NUP42: variants seen among roughly 807,000 people sequenced by gnomAD.
NUP42 encodes the protein nucleoporin 42.
In NUP42, 47 loss-of-function variants were observed where a neutral mutation model predicts 35.9. The observed-to-expected ratio is 1.31, with a 90% CI of 1.04 to 1.67. NUP42 has a LOEUF of 1.67. Ranked by LOEUF, NUP42 falls within the 40% of genes most tolerant of loss-of-function variation. The pLI is 0.00. For synonymous variants in NUP42, 173 were observed against 173.3 expected (o/e 1.00, Z 0.01); for missense variants, 514 against 492.2 (o/e 1.04, Z -0.42).
chr7:23,182,941 A>C (rs934725683), intron 1 of NUP42, among the ~76,000 whole-genome samples: 1 of 151,586 alleles, frequency 6.6e-6, no homozygotes, highest in East Asian at 1.9e-4. Context: ...GAAAAGAAAA[A>C]AAGAAAATCT....
At chr7:23,198,374 A>G (rs1011831366) in intron 5 of NUP42, 6 of 151,678 alleles carry the variant, frequency 4.0e-5, no homozygotes, top group Non-Finnish European at 5.9e-5. Flanking sequence ...CACCACGCCC[A>G]GCTTTTTTGT....
rs188484296 is a variant in NUP42 at position 23,191,290 on chromosome 7, C to T, written c.445+4144C>T. ...ATCTGATTAGAAAAAGCTAACTCAGCATGCTGTGTGAGGGGGGAGAAAGGT... is the reference window on the plus strand; with the variant it reads ...ATCTGATTAGAAAAAGCTAACTCAGTATGCTGTGTGAGGGGGGAGAAAGGT... On this transcript the variant is annotated intron_variant, in intron 3 of 6. Coordinates refer to ENST00000258742, the MANE Select transcript of NUP42 (RefSeq NM_007342.3). Among the ~76,000 whole-genome samples, 24 of 152,234 alleles carry T rather than the reference C, an allele frequency of 1.6e-4. No individual in the cohort carries two copies. The East Asian group carries it at 3.9e-3, about 24-fold the overall frequency.
chr7:23,183,754 TAAA>T (rs571597955), intron 1 of NUP42, among the ~76,000 whole-genome samples: 8 of 82,056 alleles, frequency 9.7e-5, no homozygotes, highest in East Asian at 7.3e-4. Flanking sequence ...AAAAGCAATG[TAAA>T]AAAAAAAAAA....
At chr7:23,198,013 C>T (rs1421733577) in intron 5 of NUP42, among the ~76,000 whole-genome samples, 1 of 151,908 alleles carries the variant, frequency 6.6e-6, no homozygotes, top group East Asian at 1.9e-4. Context: ...CTTCGGGAGG[C>T]TGAGGCAGGC....
chr7:23,195,213 G>A (rs1009437421), intron 3 of NUP42: 1 of 152,034 alleles, frequency 6.6e-6, no homozygotes, highest in Non-Finnish European at 1.5e-5. Flanking sequence ...TTCCCTTAAC[G>A]GTAATTTAGG....
intron 3 of NUP42, chr7:23,188,027 C>A: frequency 1.2e-5 from 14 of 1,192,838 alleles, no homozygotes; most frequent in South Asian, 2.0e-5. Context: ...TTTTTTTTGT[C>A]CATAGTCCCT....
chr7:23,200,550 A>C lies in NUP42; in HGVS notation c.1077A>C (p.Pro359=), dbSNP rs1318801490. Residue 359 remains proline, a synonymous_variant, in exon 7 of 7, where the codon CCA becomes CCC. Transcript: ENST00000258742. ...ATTCTCACACTGCTTTTTCTAAGCC[A>C]TCCAGTGACACTTTTGGAAATAGCA... ...GSHSHTAFSK[P]SSDTFGNSSI... is the part of the protein sequence containing the mutation. 6.8e-6 allele frequency: 11 copies of C among 1,614,044 alleles called. No homozygotes were observed. The highest frequency in any genetic ancestry group is 9.3e-6 in the Non-Finnish European group (11 of 1,180,030).
intron 3 of NUP42, 99 bp downstream of exon 3, chr7:23,187,245 A>G (rs1785625238): frequency 1.3e-6 from 1 of 763,104 alleles, no homozygotes; most frequent in Non-Finnish European, 2.2e-6. Flanking sequence ...CAACTTAGCT[A>G]CAACTAGGAG....
intron 1 of NUP42, 144 bp downstream of exon 1, chr7:23,182,350 GT>G: frequency 1.2e-5 from 17 of 1,440,350 alleles, no homozygotes; most frequent in Non-Finnish European, 1.5e-5. Flanking sequence ...CCTGCACAAC[GT>G]TTTTAAACCG....
At position 23,195,871 on chromosome 7, in the gene NUP42, C is replaced by T. The variant is rs1433378078; in HGVS notation, c.478C>T (p.Leu160Phe). Reference protein sequence around the residue: ...FTDISPEELRLEYHNFLTSNN... With the variant: ...FTDISPEELRFEYHNFLTSNN... ...AGACATTTCACCAGAGGAATTGAGGCTTGAATACCATAACTTCTTAACCAG... is the reference window on the plus strand; with the variant it reads ...AGACATTTCACCAGAGGAATTGAGGTTTGAATACCATAACTTCTTAACCAG... The change falls in exon 4 of 7, where the codon CTT (leucine) becomes TTT (phenylalanine). Residue 160 changes from leucine to phenylalanine, a missense_variant. Physicochemically the swap from Leu to Phe is conservative, Grantham distance 22 (BLOSUM62 0). Coordinates refer to ENST00000258742, the MANE Select transcript of NUP42 (RefSeq NM_007342.3). 6.2e-7 allele frequency: 1 copy of T among 1,606,434 alleles called. No homozygotes were observed. Among genetic ancestry groups the T allele is most frequent in the East Asian group, 2.2e-5 (1 of 44,468 alleles).
At chr7:23,195,177 C>T (rs1183167731) in intron 3 of NUP42, 1 of 152,162 alleles carries the variant, frequency 6.6e-6, no homozygotes, top group Non-Finnish European at 1.5e-5. Context: ...ACAATTATCC[C>T]TCCCAGAAAA....
chr7:23,194,222 A>T (rs1446249797), intron 3 of NUP42, among the ~76,000 whole-genome samples: 1 of 152,262 alleles, frequency 6.6e-6, no homozygotes, highest in African/African-American at 2.4e-5. Flanking sequence ...CCAAAGTGGG[A>T]GCCCAGGTAG....
At chr7:23,185,709 A>C (rs1773269063) in intron 2 of NUP42, among the ~76,000 whole-genome samples, 2 of 152,192 alleles carry the variant, frequency 1.3e-5, no homozygotes, top group South Asian at 4.1e-4. Context: ...CAACTTGTGA[A>C]CTTGGAGGTC....
At position 23,182,224 on chromosome 7, in the gene NUP42, C is replaced by T. The variant is rs749986206; in HGVS notation, c.121+18C>T. On this transcript the variant is annotated intron_variant, in intron 1 of 6. Transcript: ENST00000258742. ...GCCTTCAGGTGACTCTCCTCTGAAT[C>T]CTCCGCGGTAACCGAGCCGGGAAGG... 2.1e-5 allele frequency: 33 copies of T among 1,593,418 alleles called. No individual in the cohort carries two copies. Among genetic ancestry groups the T allele is most frequent in the Non-Finnish European group, 1.7e-6 (2 of 1,169,968 alleles).
At chr7:23,182,994 T>G (rs1039581339) in intron 1 of NUP42, among the ~76,000 whole-genome samples, 1 of 151,920 alleles carries the variant, frequency 6.6e-6, no homozygotes, top group Non-Finnish European at 1.5e-5. Flanking sequence ...CACCTGCTCA[T>G]AAATTTGGGG....
rs1001322437 is a variant in NUP42 at position 23,185,445 on chromosome 7, G to C, written c.350+147G>C. The C allele has an allele frequency of 4.6e-6, 3 of 645,608 alleles. No individual in the cohort carries two copies. In the South Asian group the frequency reaches 6.4e-5, roughly 14 times the overall value. 40.0% of individuals were successfully genotyped at this position (645,608 alleles called of 1,614,324 possible). A position where few individuals can be genotyped will look rare whatever the true frequency, so the allele number is the denominator to read the frequency against. ...AATAATGCATTATTTTTAAATCAGA[G>C]TAGCAAAAAGAAGAAAAATCACCCA... On this transcript the variant is annotated intron_variant, in intron 2 of 6. Transcript: ENST00000258742.
intron 5 of NUP42, chr7:23,197,193 T>A (rs1355944932): frequency 1.5e-6 from 2 of 1,300,326 alleles, no homozygotes; most frequent in Non-Finnish European, 2.0e-6. Flanking sequence ...GGAAGATATA[T>A]ACCCACCTGT....
chr7:23,185,076 A>G lies in NUP42; in HGVS notation c.128A>G (p.Asn43Ser), dbSNP rs1785543416. 1 of 1,609,958 alleles carries G rather than the reference A, an allele frequency of 6.2e-7. No homozygotes were observed. The highest frequency in any genetic ancestry group is 2.2e-5 in the East Asian group (1 of 44,854). Residue 43 changes from asparagine to serine, a missense_variant, in exon 2 of 7, where the codon AAT becomes AGT. Asn to Ser is a conservative substitution (Grantham distance 46, BLOSUM62 1). Transcript: ENST00000258742. The part of the protein sequence containing the change: ...QQPQQQPSGN[N>S]RRGWNTTSQR... ...GTTTTATTGTTTATTTTAGGTAATA[A>G]TAGACGTGGATGGAATACAACTAGC...
rs915237410 is a variant in NUP42, at chr7:23,188,219, C to T, written c.445+1073C>T. ...GTTCTAGTTGCTCATTTTCTGTGAG[C>T]ATTTGCATTACAACGCTTCTTATTT... On this transcript the variant is annotated intron_variant, in intron 3 of 6. Transcript: ENST00000258742. 9.0e-5 allele frequency: 113 copies of T among 1,255,130 alleles called. No individual in the cohort carries two copies. In the Middle Eastern group the frequency reaches 1.5e-3, roughly 17 times the overall value. 77.7% of individuals were successfully genotyped at this position (1,255,130 alleles called of 1,614,324 possible).
Sources: allele counts gnomAD v4.1 joint callset (sites outside exome capture counted in the v4.1 genomes callset), GRCh38; gene constraint gnomAD v4.1.1; transcripts MANE v1.5; gene names NCBI Gene and HGNC (gene_info 2026-07-23, HGNC 2026-07-21).